CTNNA2: variants seen among roughly 807,000 people sequenced by gnomAD.
CTNNA2 encodes catenin alpha-2.
Under a neutral mutation model 101.0 loss-of-function variants are expected in CTNNA2, and 42 were observed. The ratio of observed to expected loss-of-function variants is 0.42; its 90% CI spans 0.32 to 0.54. The LOEUF is 0.54. Among genes scored for constraint, CTNNA2 ranks in the 20% least tolerant of loss-of-function variants. The probability of loss-of-function intolerance (pLI) is 0.14; values close to 1 mark genes in which losing one functional copy is unlikely to be tolerated. For synonymous variants in CTNNA2, 450 were observed against 456.4 expected, an observed-to-expected ratio of 0.99 and a Z score of 0.18; for missense variants, 871 against 1,223.1, an observed-to-expected ratio of 0.71 and a Z score of 4.29.
intron 18 of CTNNA2, among the ~76,000 whole-genome samples, chr2:80,643,280 G>A (rs1486671938): frequency 1.3e-5 from 2 of 152,102 alleles, no homozygotes; most frequent in South Asian, 2.1e-4. Flanking sequence ...TCAGTGGTTA[G>A]ATGGCCTGGG....
intron 17 of CTNNA2, among the ~76,000 whole-genome samples, chr2:80,610,502 A>T (rs1645096884): frequency 6.6e-6 from 1 of 151,662 alleles, no homozygotes; most frequent in Admixed American, 6.6e-5. Flanking sequence ...AGAAATACTT[A>T]AATCTTCTTT....
intron 9 of CTNNA2, among the ~76,000 whole-genome samples, chr2:80,421,356 G>C (rs572554628): frequency 6.6e-6 from 1 of 152,316 alleles, no homozygotes; most frequent in Non-Finnish European, 1.5e-5. Context: ...CAAGTTGTGT[G>C]ATAAACATCT....
At chr2:79,680,924 G>A (rs149624357) in intron 2 of CTNNA2, among the ~76,000 whole-genome samples, 6 of 152,288 alleles carry the variant, frequency 3.9e-5, no homozygotes, top group East Asian at 1.9e-4. Context: ...CTTAGCCACC[G>A]TGGAACTTCA....
intron 2 of CTNNA2, among the ~76,000 whole-genome samples, chr2:79,676,535 C>T (rs1573645542): frequency 6.6e-6 from 1 of 152,258 alleles, no homozygotes; most frequent in African/African-American, 2.4e-5. Context: ...TCTGCCCATT[C>T]CCATGCCTAG....
chr2:79,349,625 T>C (rs540990665), intron 3 of CTNNA2, among the ~76,000 whole-genome samples: 1 of 152,288 alleles, frequency 6.6e-6, no homozygotes, highest in Admixed American at 6.5e-5. Flanking sequence ...ACAATGTAGT[T>C]ATAGTATAAT....
chr2:79,811,370 G>A (rs572359908), intron 3 of CTNNA2, among the ~76,000 whole-genome samples: 3 of 152,144 alleles, frequency 2.0e-5, no homozygotes, highest in East Asian at 3.9e-4. Context: ...CTTTTTGATG[G>A]GGTTGTTTGT....
At chr2:80,290,931 C>G (rs1426305386) in intron 7 of CTNNA2, among the ~76,000 whole-genome samples, 1 of 152,200 alleles carries the variant, frequency 6.6e-6, no homozygotes, top group African/African-American at 2.4e-5. Context: ...CCTCAATTTC[C>G]CAACAGCTCT....
At chr2:79,611,634 G>A (rs1678282243) in intron 1 of CTNNA2, among the ~76,000 whole-genome samples, 1 of 152,146 alleles carries the variant, frequency 6.6e-6, no homozygotes, top group Non-Finnish European at 1.5e-5. Context: ...AGCCACTGCG[G>A]AGGAGTTTAT....
Position 80,302,818 on chromosome 2 carries a change from C to T in CTNNA2, c.1057-90393C>T, listed in dbSNP as rs754951472. ...CGCACTGCAAGTTGCCATCGTAGCG[C>T]CCCTGGAAGTTGTTGAGCCACGAGG... On this transcript the variant is annotated intron_variant, in intron 7 of 18. Transcript: ENST00000402739. This position sits in a 1 kb window ranked among gnomAD's most constrained non-coding sequence, Gnocchi z 6.4. 6.2e-7 allele frequency: 1 copy of T among 1,613,988 alleles called. No homozygotes were observed. Among genetic ancestry groups the T allele is most frequent in the Non-Finnish European group, 8.5e-7 (1 of 1,180,012 alleles).
chr2:80,419,544 A>G lies in CTNNA2; in HGVS notation c.1233A>G (p.Glu411=). Residue 411 remains glutamate (E), a synonymous_variant, in exon 9 of 19, where the codon GAA becomes GAG. Transcript: ENST00000402739. ...TTGAGGCTGCAAAGAGCGGAAATGA[A>G]AAGGAAGTGAAAGAATATGCCCAAG... ...VLIEAAKSGN[E]KEVKEYAQVF... 1.2e-6 allele frequency: 2 copies of G among 1,613,930 alleles called. No individual in the cohort carries two copies. Among genetic ancestry groups the G allele is most frequent in the Non-Finnish European group, 1.7e-6 (2 of 1,179,876 alleles).
chr2:79,679,854 C>T (rs185792490), intron 2 of CTNNA2, among the ~76,000 whole-genome samples: 1 of 152,132 alleles, frequency 6.6e-6, no homozygotes, highest in East Asian at 1.9e-4. Flanking sequence ...CGTCTTCTCC[C>T]CGATCCCCTA....
At chr2:79,314,558 A>G (rs879768608) in intron 3 of CTNNA2, among the ~76,000 whole-genome samples, 21 of 152,354 alleles carry the variant, frequency 1.4e-4, no homozygotes, top group African/African-American at 3.4e-4. Context: ...AGAGACCCCA[A>G]TGAATGGCTC....
At chr2:79,311,209 A>T (rs1676360142) in intron 2 of CTNNA2, among the ~76,000 whole-genome samples, 2 of 152,044 alleles carry the variant, frequency 1.3e-5, no homozygotes, top group Non-Finnish European at 2.9e-5. Context: ...GGAGATCGAG[A>T]CCATTCTGGC....
intron 7 of CTNNA2, among the ~76,000 whole-genome samples, chr2:80,084,584 T>C (rs574717306): frequency 1.3e-5 from 2 of 152,252 alleles, no homozygotes; most frequent in South Asian, 4.1e-4. Context: ...GTAGTTATTA[T>C]ATTGCTTACT....
In CTNNA2 at chr2:80,303,634, G is replaced by C. The variant is rs1283546339; in HGVS notation, c.1057-89577G>C. 6.2e-7 allele frequency: 1 copy of C among 1,613,676 alleles called. No individual in the cohort carries two copies. Among genetic ancestry groups the C allele is most frequent in the Admixed American group, 1.7e-5 (1 of 60,000 alleles). On this transcript the variant is annotated intron_variant, in intron 7 of 18. Coordinates refer to ENST00000402739, the MANE Select transcript of CTNNA2 (RefSeq NM_001282597.3). The surrounding 1 kb of genome is among the most constrained non-coding windows in gnomAD (Gnocchi z 7.7). ...ACAAGCCCAGCAGGCCGGACAGGTT[G>C]TGGGGCGCCTCGGTGAGGTTGAGCG... is the stretch of plus-strand genomic sequence containing the variant.
At chr2:79,628,330 G>A (rs1679454739) in intron 1 of CTNNA2, among the ~76,000 whole-genome samples, 1 of 151,948 alleles carries the variant, frequency 6.6e-6, no homozygotes, top group African/African-American at 2.4e-5. Context: ...GCGGGCACCT[G>A]TAATCCTAGC....
chr2:79,279,149 T>C (rs144716292), intron 2 of CTNNA2, among the ~76,000 whole-genome samples: 1 of 152,278 alleles, frequency 6.6e-6, no homozygotes, highest in East Asian at 1.9e-4. Context: ...GCTTTTATTT[T>C]CTTTCCAAAA....
chr2:80,126,408 C>T (rs34699617), intron 7 of CTNNA2, among the ~76,000 whole-genome samples: 3 of 151,872 alleles, frequency 2.0e-5, no homozygotes, highest in African/African-American at 7.3e-5. Context: ...TCTTCTCTGG[C>T]CCATCTTCTG....
At chr2:79,395,100 C>G (rs898164488) in intron 4 of CTNNA2, among the ~76,000 whole-genome samples, 7 of 152,132 alleles carry the variant, frequency 4.6e-5, no homozygotes, top group Non-Finnish European at 1.0e-4. Flanking sequence ...CTTACAACCA[C>G]CCTTCAAGAT....
Sources: gnomAD v4.1 joint callset for allele counts (sites outside exome capture counted in the v4.1 genomes callset) on GRCh38, gnomAD v4.1.1 for gene constraint, Gnocchi (gnomAD v3.1) non-coding constraint, MANE v1.5 for transcripts, NCBI Gene and HGNC (gene_info 2026-07-23, HGNC 2026-07-21) for gene names.